Variants in MTMR10 observed in about 807,000 individuals in gnomAD.
MTMR10 encodes the protein myotubularin-related protein 10.
Under a neutral mutation model 88.1 loss-of-function variants are expected in MTMR10, and 56 were observed. The observed-to-expected ratio is 0.64, with a 90% confidence interval of 0.51 to 0.79. The LOEUF is 0.79. MTMR10 is among the 30% of genes least tolerant of loss of function. The probability of loss-of-function intolerance (pLI) is 0.00; values close to 1 mark genes in which losing one functional copy is unlikely to be tolerated. For missense variants in MTMR10, 883 were observed against 924.7 expected (o/e 0.95, Z 0.58); for synonymous variants, 380 against 340.9 (o/e 1.11, Z -1.26).
At chr15:30,922,166 G>A in the MTMR10 span, 3 of 1,563,544 alleles carry the variant, frequency 1.9e-6, no homozygotes, top group Non-Finnish European at 2.6e-6. Context: ...AATCCTATGG[G>A]CTTGTAAATA....
chr15:30,930,638 G>T, the MTMR10 span: 2 of 1,612,968 alleles, frequency 1.2e-6, no homozygotes, highest in Admixed American at 1.7e-5. Flanking sequence ...TCCCCGACCT[G>T]GTGGTGTGGA....
chr15:30,983,229 A>G (rs1282748255), intron 2 of MTMR10, among the ~76,000 whole-genome samples: 1 of 152,208 alleles, frequency 6.6e-6, no homozygotes, highest in African/African-American at 2.4e-5. Context: ...GGATGCCACA[A>G]GGAAGCCTCA....
the MTMR10 span, among the ~76,000 whole-genome samples, chr15:30,931,529 G>A: frequency 9.9e-5 from 15 of 152,174 alleles, no homozygotes; most frequent in Non-Finnish European, 1.9e-4. Context: ...TTTCTCCTTT[G>A]TTTTCTTCTA....
At chr15:30,945,708 A>C (rs1427031374) in intron 14 of MTMR10, among the ~76,000 whole-genome samples, 2 of 152,226 alleles carry the variant, frequency 1.3e-5, no homozygotes, top group African/African-American at 4.8e-5. Context: ...GTATTTTAGG[A>C]ACAAATGAGC....
At chr15:30,982,516 AAAG>A (rs1029425718) in intron 2 of MTMR10, among the ~76,000 whole-genome samples, 2 of 152,200 alleles carry the variant, frequency 1.3e-5, no homozygotes, top group East Asian at 1.9e-4. Flanking sequence ...AAAAAAAGTG[AAAG>A]AAGGACTCTC....
chr15:30,974,235 A>G (rs2029933349), intron 5 of MTMR10, 79 bp downstream of exon 5: 6 of 1,249,308 alleles, frequency 4.8e-6, no homozygotes, highest in Admixed American at 3.7e-5. Context: ...AGCAATTGAG[A>G]AATGAAAACT....
At chr15:30,925,327 C>T in the MTMR10 span, 164 of 1,582,442 alleles carry the variant, frequency 1.0e-4, no homozygotes, top group Middle Eastern at 3.4e-4. Flanking sequence ...TGGACTTAGG[C>T]GCGTGTACCT....
intron 2 of MTMR10, among the ~76,000 whole-genome samples, chr15:30,987,956 T>C (rs888434844): frequency 6.6e-6 from 1 of 151,438 alleles, no homozygotes; most frequent in Non-Finnish European, 1.5e-5. Context: ...TCCCTGTATA[T>C]AGCCACAGGT....
the MTMR10 span, chr15:30,927,875 T>A: frequency 1.8e-5 from 18 of 985,572 alleles, no homozygotes; most frequent in Admixed American, 6.1e-5. Flanking sequence ...CCTCTGACTC[T>A]GTGACCTCAG....
chr15:30,966,126 C>T (rs935742241), intron 6 of MTMR10: 4 of 418,558 alleles, frequency 9.6e-6, no homozygotes, highest in Middle Eastern at 4.0e-4. Context: ...TTATGAGGTA[C>T]TTGTCAAAGG....
Position 30,941,599 on chromosome 15 carries a change from G to C in MTMR10, c.2205C>G (p.Leu735=). ...HTDTSGTPEF[L]SSSFPFSPVG... is the part of the protein sequence containing the mutation. ...CAGGAGAAAATGGAAATGAGGAGGAGAGAAACTCCGGTGTCCCCGAGGTGT... is the reference window on the plus strand; with the variant it reads ...CAGGAGAAAATGGAAATGAGGAGGACAGAAACTCCGGTGTCCCCGAGGTGT... Residue 735 remains leucine (L), a synonymous_variant, in exon 16 of 16, where the codon CTC becomes CTG. Transcript: ENST00000435680. The C allele has an allele frequency of 6.3e-7, 1 of 1,599,686 alleles. No individual in the cohort carries two copies.
Position 30,974,465 on chromosome 15 carries a change from G to T in MTMR10, c.332-9C>A. On this transcript the variant is annotated splice_polypyrimidine_tract_variant and intron_variant, in intron 4 of 15. Coordinates refer to ENST00000435680, the MANE Select transcript of MTMR10 (RefSeq NM_017762.3). ...CCTCTTGTGGTCGTTTACTAAAAAA[G>T]AAAAAAAAATAGAGAAAATAAAATG... 3 of 1,464,794 alleles carry T rather than the reference G, an allele frequency of 2.0e-6. No individual in the cohort carries two copies. The highest frequency in any genetic ancestry group is 2.4e-5 in the East Asian group (1 of 40,998). The allele number at this position is 1,464,794 out of a possible 1,614,324, so 90.7% of individuals were successfully genotyped here.
At chr15:30,949,683 A>AT (rs2063216862) in intron 12 of MTMR10, 1 of 152,266 alleles carries the variant, frequency 6.6e-6, no homozygotes. Context: ...ATGAAGCAGC[A>AT]TAATTCATAA....
chr15:30,939,564 C>A lies in MTMR10; in HGVS notation c.*1906G>T, dbSNP rs1021497085. On this transcript the variant is annotated 3_prime_UTR_variant, in exon 16 of 16. Coordinates refer to ENST00000435680, the MANE Select transcript of MTMR10 (RefSeq NM_017762.3). ...AAGTATTTTACATTTGATTATCATACAAAAATATGCATTTTTCTATTTTTA... is the reference window on the plus strand; with the variant it reads ...AAGTATTTTACATTTGATTATCATAAAAAAATATGCATTTTTCTATTTTTA... 2 of 960,672 alleles carry A rather than the reference C, an allele frequency of 2.1e-6. No individual in the cohort carries two copies. The highest frequency in any genetic ancestry group is 1.8e-5 in the African/African-American group (1 of 56,750). The allele number at this position is 960,672 out of a possible 1,614,324, so 59.5% of individuals were successfully genotyped here. A position where few individuals can be genotyped will look rare whatever the true frequency, so the allele number is the denominator to read the frequency against.
At chr15:30,928,647 C>A in the MTMR10 span, 1 of 1,613,970 alleles carries the variant, frequency 6.2e-7, no homozygotes, top group Non-Finnish European at 8.5e-7. Context: ...TCTTCAGAAA[C>A]GCCTGTCAGG....
chr15:30,990,793 C>T lies in MTMR10; in HGVS notation c.105G>A (p.Glu35=), dbSNP rs975014049. The change falls in exon 2 of 16, where the codon GAG becomes GAA. Residue 35 remains glutamate, a synonymous_variant. Transcript: ENST00000435680. ...INSEPKIKKL[E]PVLLPGEIVV... is the part of the protein sequence containing the mutation. ...AATGTTTACCTGGCAAAAGGACTGGCTCCAGTTTTTTAATCTTCGGTTCCG... is the reference window on the plus strand; with the variant it reads ...AATGTTTACCTGGCAAAAGGACTGGTTCCAGTTTTTTAATCTTCGGTTCCG... The T allele has an allele frequency of 6.2e-6, 10 of 1,610,134 alleles. No homozygotes were observed. The highest frequency in any genetic ancestry group is 8.5e-6 in the Non-Finnish European group (10 of 1,178,124).
At chr15:30,986,507 T>C (rs1278237563) in intron 2 of MTMR10, among the ~76,000 whole-genome samples, 1 of 152,146 alleles carries the variant, frequency 6.6e-6, no homozygotes, top group East Asian at 1.9e-4. Context: ...CTTTTTAATT[T>C]TGTTAACTTA....
In MTMR10 at chr15:30,954,826, T is replaced by A; in HGVS notation, c.1003A>T (p.Thr335Ser). The change falls in exon 10 of 16, where the codon ACC (threonine) becomes TCC (serine). Residue 335 changes from threonine to serine, a missense_variant. Physicochemically the swap from Thr to Ser is moderately conservative, Grantham distance 58. Coordinates refer to ENST00000435680, the MANE Select transcript of MTMR10 (RefSeq NM_017762.3). ...SDVYKSDLDK[T>S]LPNIQEVQAA... ...TGTACTTCTTGAATATTAGGCAAGGTCTTATCCAAATCTGATTTGTAAACA... is the reference window on the plus strand; with the variant it reads ...TGTACTTCTTGAATATTAGGCAAGGACTTATCCAAATCTGATTTGTAAACA... 1 of 1,595,486 alleles carries A rather than the reference T, an allele frequency of 6.3e-7. No homozygotes were observed. The highest frequency in any genetic ancestry group is 8.6e-7 in the Non-Finnish European group (1 of 1,169,472).
In MTMR10 at chr15:30,940,285, TAGAG is replaced by T. The variant is rs1222710132; in HGVS notation, c.*1181_*1184del. ...CACACAGTTTGGAAATACTTTACTT[TAGAG>T]AGATTCAGATCAAGCAAACAACTGT... On this transcript the variant is annotated 3_prime_UTR_variant, in exon 16 of 16. Coordinates refer to ENST00000435680, the MANE Select transcript of MTMR10 (RefSeq NM_017762.3). The T allele has an allele frequency of 1.0e-6, 1 of 960,948 alleles. No homozygotes were observed. Among genetic ancestry groups the T allele is most frequent in the African/African-American group, 1.8e-5 (1 of 55,974 alleles). The allele number at this position is 960,948 out of a possible 1,614,324, so 59.5% of individuals were successfully genotyped here.
Sources: gnomAD v4.1 joint callset for allele counts (sites outside exome capture counted in the v4.1 genomes callset) on GRCh38, gnomAD v4.1.1 for gene constraint, MANE v1.5 for transcripts, NCBI Gene and HGNC (gene_info 2026-07-23, HGNC 2026-07-21) for gene names.